SUGCT: variants seen among roughly 807,000 people sequenced by gnomAD.
SUGCT encodes the protein succinyl-CoA:glutarate CoA-transferase.
A neutral mutation model predicts 55.0 loss-of-function variants in SUGCT; 41 were observed. The ratio of observed to expected loss-of-function variants is 0.74; its 90% CI spans 0.58 to 0.97. The LOEUF (loss-of-function observed/expected upper bound fraction) is 0.97. Among genes scored for constraint, SUGCT ranks in the 50% least tolerant of loss-of-function variants. SUGCT has a pLI of 0.00. For missense variants in SUGCT, 568 were observed against 547.8 expected, an observed-to-expected ratio of 1.04 and a Z score of -0.37; for synonymous variants, 187 against 200.4, an observed-to-expected ratio of 0.93 and a Z score of 0.56.
At position 40,553,617 on chromosome 7, in the gene SUGCT, A is replaced by G. The variant is rs765321946; in HGVS notation, c.1089+57231A>G. Among the ~76,000 whole-genome samples, 151 of 152,240 alleles carry G rather than the reference A, an allele frequency of 9.9e-4. 1 individual carries two copies. The highest frequency in any genetic ancestry group is 1.9e-3 in the Non-Finnish European group (128 of 68,044). ...ATGTCCACCCTCTACACGTAGACTG[A>G]TAATCATTAACTGATAGTAAAAAGC... On this transcript the variant is annotated intron_variant, in intron 12 of 13. Coordinates refer to ENST00000335693, the MANE Select transcript of SUGCT (RefSeq NM_001193313.2).
chr7:40,951,017 T>C, the SUGCT span, among the ~76,000 whole-genome samples: 30 of 152,270 alleles, frequency 2.0e-4, no homozygotes, highest in South Asian at 8.3e-4. Flanking sequence ...CTGATTGGAA[T>C]AGTTTCAGAA....
chr7:40,162,191 C>T (rs1362519195), intron 1 of SUGCT, among the ~76,000 whole-genome samples: 2 of 152,044 alleles, frequency 1.3e-5, no homozygotes, highest in Non-Finnish European at 2.9e-5. Context: ...CTACCGCGCC[C>T]GGCCGTGAAG....
chr7:40,860,442 TC>T lies in SUGCT; in HGVS notation c.1281del (p.Ser428AlafsTer48). 1 of 1,613,910 alleles carries T rather than the reference TC, an allele frequency of 6.2e-7. No homozygotes were observed. Among genetic ancestry groups the T allele is most frequent in the Non-Finnish European group, 8.5e-7 (1 of 1,179,838 alleles). ...GATGACAGGGCCATCGGGGAGCTGC[TC>T]AGCGCTGGAGTGGTGGACCAACATG... ...RYDDRAIGEL[L>X]SAGVVDQHET... On this transcript the variant is annotated frameshift_variant, in exon 14 of 14. Transcript: ENST00000335693. LOFTEE classifies it high-confidence loss of function.
the SUGCT span, among the ~76,000 whole-genome samples, chr7:40,974,408 A>G: frequency 8.5e-5 from 13 of 152,342 alleles, no homozygotes; most frequent in Non-Finnish European, 5.9e-5. Context: ...ATGCCCTTAT[A>G]GAAAGAGAAA....
At position 40,621,701 on chromosome 7, in the gene SUGCT, A is replaced by G. The variant is rs1399758631; in HGVS notation, c.1089+125315A>G. ...GGCAAGAGAAAATCAAGGATGCAGG[A>G]TGTGAAATCAAATGATGGAACTTTC... On this transcript the variant is annotated intron_variant, in intron 12 of 13. Transcript: ENST00000335693. Among the ~76,000 whole-genome samples, 7 of 152,302 alleles carry G rather than the reference A, an allele frequency of 4.6e-5. No individual in the cohort carries two copies. In the South Asian group the frequency reaches 1.2e-3, roughly 27 times the overall value.
chr7:41,015,729 G>C, the SUGCT span, among the ~76,000 whole-genome samples: 23 of 152,316 alleles, frequency 1.5e-4, 1 homozygote, highest in South Asian at 4.6e-3. Context: ...AGCAGACCCA[G>C]TGTGGACTCT....
intron 8 of SUGCT, among the ~76,000 whole-genome samples, chr7:40,285,535 G>A (rs1435202384): frequency 4.7e-5 from 7 of 150,442 alleles, no homozygotes; most frequent in South Asian, 2.1e-4. Flanking sequence ...TGTTGCCATC[G>A]TGTCCTTGTG....
chr7:40,152,703 G>GT (rs754938220), intron 1 of SUGCT: 7,573 of 150,368 alleles, frequency 0.05, 538 homozygotes, highest in African/African-American at 0.16. Flanking sequence ...AAATTAAGGT[G>GT]TTTTTTTTTT....
At chr7:40,198,283 A>G (rs891115221) in intron 6 of SUGCT, among the ~76,000 whole-genome samples, 1 of 152,250 alleles carries the variant, frequency 6.6e-6, no homozygotes, top group African/African-American at 2.4e-5. Flanking sequence ...TTTAAAACTC[A>G]GGCTTCTTGT....
the SUGCT span, among the ~76,000 whole-genome samples, chr7:41,010,814 G>A: frequency 0.037 from 5,611 of 152,178 alleles, 343 homozygotes; most frequent in African/African-American, 0.13. Context: ...AAAATAAAAC[G>A]ATGTGTCATT....
chr7:40,736,690 G>A (rs1421672212), intron 12 of SUGCT, among the ~76,000 whole-genome samples: 2 of 151,774 alleles, frequency 1.3e-5, no homozygotes, highest in African/African-American at 2.4e-5. Context: ...AATATCATCA[G>A]TATACCAACA....
At chr7:40,468,326 T>C (rs914540907) in intron 11 of SUGCT, among the ~76,000 whole-genome samples, 20 of 152,112 alleles carry the variant, frequency 1.3e-4, no homozygotes, top group Admixed American at 2.0e-4. Context: ...GTAATATCTG[T>C]AATTTCCTTA....
At chr7:40,684,736 T>C (rs1784395182) in intron 12 of SUGCT, among the ~76,000 whole-genome samples, 1 of 152,206 alleles carries the variant, frequency 6.6e-6, no homozygotes, top group Admixed American at 6.5e-5. Flanking sequence ...TAATCTTATA[T>C]CACTATTTTG....
chr7:40,172,875 T>G (rs1427214620), intron 1 of SUGCT, among the ~76,000 whole-genome samples: 2 of 152,188 alleles, frequency 1.3e-5, no homozygotes, highest in Non-Finnish European at 2.9e-5. Context: ...GCCATGCTAA[T>G]CGTTTTTAAC....
intron 11 of SUGCT, among the ~76,000 whole-genome samples, chr7:40,463,688 C>T (rs369926429): frequency 1.8e-4 from 27 of 152,178 alleles, no homozygotes; most frequent in Admixed American, 6.6e-4. Flanking sequence ...CCAGCACACA[C>T]GATTCCCCTC....
chr7:40,834,530 G>A (rs1323670749), intron 13 of SUGCT, among the ~76,000 whole-genome samples: 2 of 152,108 alleles, frequency 1.3e-5, no homozygotes, highest in African/African-American at 2.4e-5. Flanking sequence ...TTTATTGGTG[G>A]GGTTACTAAA....
chr7:40,898,254 C>T, the SUGCT span, among the ~76,000 whole-genome samples: 1 of 152,092 alleles, frequency 6.6e-6, no homozygotes, highest in Non-Finnish European at 1.5e-5. Context: ...CTCGTGAGTT[C>T]AGAGATACCA....
intron 1 of SUGCT, among the ~76,000 whole-genome samples, chr7:40,149,176 A>G (rs1322399931): frequency 3.9e-5 from 6 of 152,082 alleles, no homozygotes; most frequent in Non-Finnish European, 7.4e-5. Context: ...CATGTAGCTT[A>G]TTTTACATTT....
At chr7:40,339,136 G>T (rs1336578091) in intron 9 of SUGCT, among the ~76,000 whole-genome samples, 4 of 152,306 alleles carry the variant, frequency 2.6e-5, no homozygotes, top group African/African-American at 7.2e-5. Context: ...ACCCAGCCGT[G>T]TGAGGTGTCA....
Sources: gnomAD v4.1 joint callset for allele counts (sites outside exome capture counted in the v4.1 genomes callset) on GRCh38, gnomAD v4.1.1 for gene constraint, MANE v1.5 for transcripts, NCBI Gene and HGNC (gene_info 2026-07-23, HGNC 2026-07-21) for gene names.